Variants in CCSER1 observed in about 807,000 individuals in gnomAD.
CCSER1 encodes serine-rich coiled-coil domain-containing protein 1.
In CCSER1, 41 loss-of-function variants were observed where a neutral mutation model predicts 82.0. That is an observed-to-expected ratio of 0.50 (90% CI 0.39 to 0.65). The LOEUF is 0.65. Ranked by LOEUF, CCSER1 falls within the 30% of genes least tolerant of loss-of-function variation. The pLI is 0.00. For synonymous variants in CCSER1, 414 were observed against 383.9 expected, an observed-to-expected ratio of 1.08 and a Z score of -0.92; for missense variants, 1,119 against 1,064.2, an observed-to-expected ratio of 1.05 and a Z score of -0.72.
chr4:90,245,348 G>T (rs1470090828), intron 1 of CCSER1, among the ~76,000 whole-genome samples: 1 of 152,100 alleles, frequency 6.6e-6, no homozygotes, highest in Non-Finnish European at 1.5e-5. Flanking sequence ...GATTTTTGTT[G>T]CTGTTCTTTT....
At chr4:90,205,499 T>G (rs1738626989) in intron 1 of CCSER1, among the ~76,000 whole-genome samples, 1 of 152,214 alleles carries the variant, frequency 6.6e-6, no homozygotes, top group South Asian at 2.1e-4. Context: ...ATGGATGACT[T>G]TATTGATTTG....
At position 91,598,785 on chromosome 4, in the gene CCSER1, G is replaced by A; in HGVS notation, c.2431G>A (p.Glu811Lys). Residue 811 changes from glutamate to lysine, a missense_variant, in exon 11 of 11, where the codon GAA becomes AAA. Physicochemically the swap from Glu to Lys is moderately conservative, Grantham distance 56 (BLOSUM62 1). Coordinates refer to ENST00000509176, the MANE Select transcript of CCSER1 (RefSeq NM_001145065.2). The part of the protein sequence containing the change: ...EVIKHSRGTY[E>K]TLTSDVTQNL... Reference sequence around the variant, plus strand: ...TATCAAACATTCAAGAGGAACTTATGAAACCCTCACTTCAGACGTTACACA... The same window carrying A: ...TATCAAACATTCAAGAGGAACTTATAAAACCCTCACTTCAGACGTTACACA... The A allele has an allele frequency of 6.4e-7, 1 of 1,551,654 alleles. No individual in the cohort carries two copies. The highest frequency in any genetic ancestry group is 1.2e-5 in the South Asian group (1 of 84,064).
intron 10 of CCSER1, among the ~76,000 whole-genome samples, chr4:91,221,960 A>G (rs1321064635): frequency 1.3e-5 from 2 of 152,142 alleles, no homozygotes; most frequent in Non-Finnish European, 2.9e-5. Flanking sequence ...ATTGTGTTTT[A>G]CTATAACTGA....
chr4:90,522,317 A>G (rs1242611485), intron 5 of CCSER1, among the ~76,000 whole-genome samples: 2 of 152,142 alleles, frequency 1.3e-5, no homozygotes, highest in African/African-American at 4.8e-5. Context: ...AGGTTCTGTT[A>G]TAGAATATTT....
chr4:90,974,676 C>T (rs1735444747), intron 9 of CCSER1, among the ~76,000 whole-genome samples: 1 of 151,254 alleles, frequency 6.6e-6, no homozygotes, highest in South Asian at 2.1e-4. Context: ...TACTTCATAA[C>T]CATAGGATAG....
intron 6 of CCSER1, among the ~76,000 whole-genome samples, chr4:90,708,613 C>T (rs1739879377): frequency 6.6e-6 from 1 of 152,068 alleles, no homozygotes; most frequent in South Asian, 2.1e-4. Context: ...TCACTTAGGT[C>T]AGTCTTTGTC....
chr4:90,659,870 T>C (rs1350368402), intron 6 of CCSER1, among the ~76,000 whole-genome samples: 1 of 152,100 alleles, frequency 6.6e-6, no homozygotes, highest in Non-Finnish European at 1.5e-5. Flanking sequence ...ATTTATCTCA[T>C]GAATGATGAA....
At chr4:90,849,757 C>G (rs1763624778) in intron 8 of CCSER1, among the ~76,000 whole-genome samples, 1 of 148,668 alleles carries the variant, frequency 6.7e-6, no homozygotes, top group Admixed American at 6.7e-5. Context: ...CCACTGCACT[C>G]CAGCCTGGGC....
intron 10 of CCSER1, chr4:91,319,780 T>C: frequency 4.4e-6 from 2 of 451,936 alleles, no homozygotes; most frequent in South Asian, 1.6e-5. Flanking sequence ...TCTCTTATGC[T>C]CTAAAGTCCC....
intron 9 of CCSER1, among the ~76,000 whole-genome samples, chr4:91,046,685 G>GT (rs1157272867): frequency 6.6e-6 from 1 of 151,862 alleles, no homozygotes; most frequent in South Asian, 2.1e-4. Flanking sequence ...AGGATAATAT[G>GT]TTTTTTGTTG....
At chr4:90,563,487 C>G (rs948071360) in intron 5 of CCSER1, among the ~76,000 whole-genome samples, 2 of 152,106 alleles carry the variant, frequency 1.3e-5, no homozygotes, top group East Asian at 3.9e-4. Context: ...CACCATTTCC[C>G]TTTCTACTTT....
intron 3 of CCSER1, among the ~76,000 whole-genome samples, chr4:90,324,426 G>C (rs1227860841): frequency 6.9e-6 from 1 of 145,510 alleles, no homozygotes; most frequent in East Asian, 2.0e-4. Context: ...GCCAGTGATG[G>C]TGAGCATTTT....
intron 1 of CCSER1, among the ~76,000 whole-genome samples, chr4:90,263,561 C>T (rs979563914): frequency 3.3e-5 from 5 of 152,084 alleles, no homozygotes; most frequent in Non-Finnish European, 5.9e-5. Context: ...AGTTGATAGC[C>T]GAAGTCACAC....
At chr4:90,318,976 A>G (rs1561019676) in intron 3 of CCSER1, among the ~76,000 whole-genome samples, 3 of 152,202 alleles carry the variant, frequency 2.0e-5, no homozygotes, top group African/African-American at 2.4e-5. Context: ...TGGGTGGGGC[A>G]TGCTTCATTT....
chr4:90,717,352 A>G (rs1741808558), intron 6 of CCSER1, among the ~76,000 whole-genome samples: 1 of 152,174 alleles, frequency 6.6e-6, no homozygotes, highest in Non-Finnish European at 1.5e-5. Flanking sequence ...CTAAGAATAT[A>G]TTATAAAGAA....
At chr4:90,215,923 A>G (rs529408412) in intron 1 of CCSER1, among the ~76,000 whole-genome samples, 47 of 152,194 alleles carry the variant, frequency 3.1e-4, no homozygotes, top group Non-Finnish European at 5.1e-4. Flanking sequence ...TAGGAGGTGC[A>G]GAAGACAGAG....
chr4:91,180,841 C>G (rs1733950214), intron 10 of CCSER1, among the ~76,000 whole-genome samples: 1 of 152,222 alleles, frequency 6.6e-6, no homozygotes, highest in East Asian at 1.9e-4. Context: ...TATTTATTAA[C>G]AGCAAACCAG....
intron 1 of CCSER1, among the ~76,000 whole-genome samples, chr4:90,140,657 CTTTTTTTTTTT>C (rs34194245): frequency 1.6e-5 from 1 of 63,602 alleles, no homozygotes; most frequent in Non-Finnish European, 2.8e-5. Context: ...TTTTGGTCTA[CTTTTTTTTTTT>C]TTTTTTTTTT....
At chr4:91,500,530 C>T (rs1759151190) in intron 10 of CCSER1, among the ~76,000 whole-genome samples, 2 of 151,856 alleles carry the variant, frequency 1.3e-5, no homozygotes, top group Admixed American at 1.3e-4. Flanking sequence ...ATTGATTCTT[C>T]TTTTGTAGCT....
Sources: allele counts gnomAD v4.1 joint callset (sites outside exome capture counted in the v4.1 genomes callset), GRCh38; gene constraint gnomAD v4.1.1; transcripts MANE v1.5; gene names NCBI Gene and HGNC (gene_info 2026-07-23, HGNC 2026-07-21).